SUGCT: variants seen among roughly 807,000 people sequenced by gnomAD.
SUGCT encodes succinyl-CoA:glutarate CoA-transferase.
SUGCT carries 41 observed loss-of-function variants against 55.0 expected under a neutral mutation model. The observed-to-expected ratio is 0.74, with a 90% CI of 0.58 to 0.97. The LOEUF is 0.97. Ranked by LOEUF, SUGCT falls within the 50% of genes least tolerant of loss-of-function variation. The pLI, the probability that SUGCT is intolerant of heterozygous loss-of-function variation, is 0.00. For missense variants in SUGCT, 568 were observed against 547.8 expected (o/e 1.04, Z -0.37); for synonymous variants, 187 against 200.4 (o/e 0.93, Z 0.56).
intron 6 of SUGCT, among the ~76,000 whole-genome samples, chr7:40,208,169 C>T (rs1474738325): frequency 1.3e-5 from 2 of 152,058 alleles, no homozygotes; most frequent in Non-Finnish European, 2.9e-5. Context: ...ATGGTAGTTG[C>T]TAGAGGTTGG....
intron 12 of SUGCT, among the ~76,000 whole-genome samples, chr7:40,694,999 T>G (rs1307660188): frequency 6.6e-6 from 1 of 152,140 alleles, no homozygotes; most frequent in Non-Finnish European, 1.5e-5. Flanking sequence ...CCCTTTGTTT[T>G]ATGATGTAAA....
At chr7:40,840,401 C>A (rs1179025500) in intron 13 of SUGCT, among the ~76,000 whole-genome samples, 1 of 149,086 alleles carries the variant, frequency 6.7e-6, no homozygotes, top group East Asian at 2.0e-4. Flanking sequence ...AACTGCAAGA[C>A]AACAGGATAA....
chr7:40,783,318 A>C (rs1789851935), intron 13 of SUGCT, among the ~76,000 whole-genome samples: 1 of 152,126 alleles, frequency 6.6e-6, no homozygotes, highest in Non-Finnish European at 1.5e-5. Flanking sequence ...ACAGAATGAG[A>C]TAGAACTTTC....
chr7:40,935,232 A>T, the SUGCT span, among the ~76,000 whole-genome samples: 1 of 152,132 alleles, frequency 6.6e-6, no homozygotes, highest in East Asian at 1.9e-4. Context: ...AGTCTGTCTA[A>T]TTTTTTAAAA....
chr7:40,396,838 T>C (rs760840541), intron 9 of SUGCT, among the ~76,000 whole-genome samples: 10 of 152,212 alleles, frequency 6.6e-5, no homozygotes, highest in Non-Finnish European at 1.5e-4. Context: ...CCATCACTTC[T>C]TTCTTTAAGC....
intron 12 of SUGCT, among the ~76,000 whole-genome samples, chr7:40,543,501 G>A (rs993910491): frequency 6.6e-6 from 1 of 152,148 alleles, no homozygotes; most frequent in Non-Finnish European, 1.5e-5. Context: ...TTAACATCTT[G>A]CAGTTTGAAG....
intron 11 of SUGCT, among the ~76,000 whole-genome samples, chr7:40,467,797 C>T (rs577387306): frequency 6.6e-6 from 1 of 152,200 alleles, no homozygotes; most frequent in East Asian, 1.9e-4. Flanking sequence ...TAGTAATTTA[C>T]TTCTACCAAA....
chr7:40,960,258 C>G, the SUGCT span, among the ~76,000 whole-genome samples: 1 of 152,080 alleles, frequency 6.6e-6, no homozygotes, highest in Non-Finnish European at 1.5e-5. Context: ...TTTGCACACT[C>G]TCCTTCAAAA....
chr7:40,177,651 A>G (rs747072446), intron 1 of SUGCT, among the ~76,000 whole-genome samples: 8 of 152,136 alleles, frequency 5.3e-5, no homozygotes, highest in African/African-American at 1.2e-4. Context: ...CCATACCGCA[A>G]TGCAAGTGCA....
intron 3 of SUGCT, among the ~76,000 whole-genome samples, chr7:40,186,931 C>A (rs1322681456): frequency 6.6e-6 from 1 of 152,126 alleles, no homozygotes; most frequent in Non-Finnish European, 1.5e-5. Context: ...TTAAAGATTT[C>A]CAGATTTTGA....
intron 12 of SUGCT, among the ~76,000 whole-genome samples, chr7:40,661,682 G>A (rs1362338019): frequency 6.6e-6 from 1 of 152,086 alleles, no homozygotes; most frequent in Non-Finnish European, 1.5e-5. Context: ...TGTCTTGTCA[G>A]TGCCAATAGT....
chr7:40,817,756 T>C (rs1039783167), intron 13 of SUGCT, among the ~76,000 whole-genome samples: 1 of 152,058 alleles, frequency 6.6e-6, no homozygotes, highest in African/African-American at 2.4e-5. Flanking sequence ...GGAAGAACCA[T>C]TTTTAAGGGT....
chr7:40,955,529 T>A, the SUGCT span, among the ~76,000 whole-genome samples: 1 of 152,190 alleles, frequency 6.6e-6, no homozygotes, highest in African/African-American at 2.4e-5. Flanking sequence ...TAAGGAGATT[T>A]TGGGCTGAGA....
chr7:40,630,838 G>T (rs1020330489), intron 12 of SUGCT, among the ~76,000 whole-genome samples: 2 of 133,180 alleles, frequency 1.5e-5, no homozygotes, highest in Non-Finnish European at 3.1e-5. Flanking sequence ...ACTGGTCTGT[G>T]TGTCTTTGTG....
chr7:41,022,539 T>C, the SUGCT span, among the ~76,000 whole-genome samples: 2 of 152,198 alleles, frequency 1.3e-5, no homozygotes, highest in African/African-American at 4.8e-5. Context: ...ATTAAAATGT[T>C]GGATACATTT....
At chr7:40,524,500 TA>T (rs1245961084) in intron 12 of SUGCT, among the ~76,000 whole-genome samples, 2 of 152,172 alleles carry the variant, frequency 1.3e-5, no homozygotes, top group Admixed American at 1.3e-4. Flanking sequence ...ACAATGCTTT[TA>T]ATTTCCAGAA....
chr7:40,513,991 T>C (rs1369505573), intron 12 of SUGCT, among the ~76,000 whole-genome samples: 1 of 151,824 alleles, frequency 6.6e-6, no homozygotes, highest in African/African-American at 2.4e-5. Context: ...AGGATTTCAC[T>C]GTGTTAGCCA....
intron 6 of SUGCT, among the ~76,000 whole-genome samples, chr7:40,210,301 C>T (rs1584351061): frequency 6.6e-6 from 1 of 152,020 alleles, no homozygotes; most frequent in East Asian, 1.9e-4. Flanking sequence ...CCACTTTGGC[C>T]TCCCAAAGTG....
intron 11 of SUGCT, among the ~76,000 whole-genome samples, chr7:40,463,234 T>G (rs1438404275): frequency 6.6e-6 from 1 of 152,192 alleles, no homozygotes; most frequent in African/African-American, 2.4e-5. Context: ...GAGAGTGAAT[T>G]TGCACAGCAG....
Sources: allele counts gnomAD v4.1 joint callset (sites outside exome capture counted in the v4.1 genomes callset), GRCh38; gene constraint gnomAD v4.1.1; transcripts MANE v1.5; gene names NCBI Gene and HGNC (gene_info 2026-07-23, HGNC 2026-07-21).